The following CDH18 variants were observed in gnomAD, a reference collection of about 807,000 sequenced individuals.
CDH18 encodes cadherin 18.
In CDH18, 31 loss-of-function variants were observed where a neutral mutation model predicts 67.9. That is an observed-to-expected ratio of 0.46 (90% confidence interval 0.34 to 0.62). The LOEUF is 0.62. Ranked by LOEUF, CDH18 falls within the 20% of genes least tolerant of loss-of-function variation. The pLI is 0.01. For missense variants in CDH18, 890 were observed against 975.5 expected, an observed-to-expected ratio of 0.91 and a Z score of 1.17; for synonymous variants, 362 against 347.2, an observed-to-expected ratio of 1.04 and a Z score of -0.48.
chr5:19,602,953 G>A (rs1435366648), intron 6 of CDH18, among the ~76,000 whole-genome samples: 4 of 127,566 alleles, frequency 3.1e-5, no homozygotes, highest in South Asian at 6.0e-4. Flanking sequence ...GAAGAAGAGC[G>A]AAACTCCATC....
At chr5:20,075,485 G>T (rs554340093) in intron 2 of CDH18, among the ~76,000 whole-genome samples, 1 of 151,818 alleles carries the variant, frequency 6.6e-6, no homozygotes, top group African/African-American at 2.4e-5. Context: ...CCTGCTGATA[G>T]AGATAGACTC....
At chr5:19,767,558 T>C (rs576425262) in intron 3 of CDH18, among the ~76,000 whole-genome samples, 1 of 152,122 alleles carries the variant, frequency 6.6e-6, no homozygotes, top group Non-Finnish European at 1.5e-5. Flanking sequence ...ACTGAAAAAG[T>C]CATAGAGAAA....
chr5:20,538,201 A>G (rs1756836949), intron 1 of CDH18, among the ~76,000 whole-genome samples: 1 of 152,144 alleles, frequency 6.6e-6, no homozygotes, highest in South Asian at 2.1e-4. Flanking sequence ...AAAATCCACA[A>G]TTCACAAAAC....
intron 1 of CDH18, among the ~76,000 whole-genome samples, chr5:20,521,794 T>TACACAC (rs1318622013): frequency 6.6e-4 from 98 of 148,462 alleles, no homozygotes; most frequent in African/African-American, 2.5e-3. Context: ...AAGCACAAGT[T>TACACAC]ACACACACAC....
At chr5:20,329,803 C>T (rs996816375) in intron 1 of CDH18, among the ~76,000 whole-genome samples, 1 of 142,798 alleles carries the variant, frequency 7.0e-6, no homozygotes, top group Non-Finnish European at 1.5e-5. Flanking sequence ...AAGAGTAAGC[C>T]TTAATTTTAG....
At chr5:20,360,615 A>C (rs1318538563) in intron 1 of CDH18, among the ~76,000 whole-genome samples, 1 of 152,194 alleles carries the variant, frequency 6.6e-6, no homozygotes, top group Non-Finnish European at 1.5e-5. Flanking sequence ...GCAATAGCCT[A>C]AAGCCTGCCT....
At chr5:20,292,781 CTA>C (rs984146065) in intron 1 of CDH18, among the ~76,000 whole-genome samples, 34 of 152,104 alleles carry the variant, frequency 2.2e-4, no homozygotes, top group African/African-American at 8.0e-4. Context: ...ATTCTTCTTC[CTA>C]TATGTCTTCA....
intron 5 of CDH18, among the ~76,000 whole-genome samples, chr5:19,695,594 G>T (rs967162549): frequency 6.6e-6 from 1 of 152,086 alleles, no homozygotes; most frequent in Non-Finnish European, 1.5e-5. Flanking sequence ...AAAGTTCGCT[G>T]ACAATGACAC....
At chr5:19,919,492 G>T (rs752533389) in intron 2 of CDH18, among the ~76,000 whole-genome samples, 1 of 152,038 alleles carries the variant, frequency 6.6e-6, no homozygotes, top group Non-Finnish European at 1.5e-5. Context: ...TGCTAACGTC[G>T]GGTAGCTACT....
upstream of CDH18, among the ~76,000 whole-genome samples, chr5:19,990,347 C>T (rs928356516): frequency 6.6e-6 from 1 of 152,176 alleles, no homozygotes; most frequent in Non-Finnish European, 1.5e-5. Context: ...GTGGCTGAGA[C>T]ACAAGCAATG....
At chr5:20,283,623 A>G (rs756205448) in intron 1 of CDH18, among the ~76,000 whole-genome samples, 2 of 152,056 alleles carry the variant, frequency 1.3e-5, no homozygotes, top group Non-Finnish European at 1.5e-5. Context: ...AAGTACGTAG[A>G]GAAAAGGGAA....
At position 20,418,242 on chromosome 5, in the gene CDH18, A is replaced by ATTTTTTTTTTTTTTTTT. The variant is rs58308147; in HGVS notation, c.-580+157203_-580+157219dup. The stretch of plus-strand genomic sequence containing the variant: ...AGGTGTCTGCCACCACTGCTGGCTA[A>ATTTTTTTTTTTTTTTTT]TTTTTTTTTTTTTTTTTTTTTTTTG... On this transcript the variant is annotated intron_variant, in intron 1 of 14. Coordinates refer to the CDH18 transcript ENST00000507958. Among the ~76,000 whole-genome samples, 503 of 56,884 alleles carry ATTTTTTTTTTTTTTTTT rather than the reference A, an allele frequency of 8.8e-3. 79 individuals carry two copies. Among genetic ancestry groups the ATTTTTTTTTTTTTTTTT allele is most frequent in the Admixed American group, 0.015 (46 of 3,002 alleles). The allele number at this position is 56,884 out of a possible 152,430, so 37.3% of individuals were successfully genotyped here.
chr5:19,952,045 T>TTTTA (rs1392371063), intron 2 of CDH18, among the ~76,000 whole-genome samples: 1 of 152,052 alleles, frequency 6.6e-6, no homozygotes, highest in Admixed American at 6.6e-5. Flanking sequence ...TTCCAATTTA[T>TTTTA]TTTATTTATT....
intron 2 of CDH18, among the ~76,000 whole-genome samples, chr5:19,888,201 T>C (rs1788428976): frequency 2.0e-5 from 3 of 152,260 alleles, no homozygotes; most frequent in Middle Eastern, 3.4e-3. Flanking sequence ...CATTTGCATT[T>C]TCACGTACAT....
At chr5:20,021,197 A>G (rs1738387511) in intron 2 of CDH18, among the ~76,000 whole-genome samples, 1 of 152,082 alleles carries the variant, frequency 6.6e-6, no homozygotes. Context: ...CTGTATCCTC[A>G]TTAAATCTTG....
intron 1 of CDH18, among the ~76,000 whole-genome samples, chr5:20,281,636 T>A (rs1021466296): frequency 6.6e-6 from 1 of 152,128 alleles, no homozygotes; most frequent in African/African-American, 2.4e-5. Flanking sequence ...TGAAGTCAGG[T>A]AGTGTGATGC....
intron 2 of CDH18, among the ~76,000 whole-genome samples, chr5:19,880,494 G>C (rs896449408): frequency 6.6e-6 from 1 of 152,026 alleles, no homozygotes; most frequent in Non-Finnish European, 1.5e-5. Flanking sequence ...AAGAAGGATA[G>C]ATTTATTTGA....
At position 19,601,012 on chromosome 5, in the gene CDH18, T is replaced by G. The variant is rs182125643; in HGVS notation, c.812-9768A>C. ...TGACTTAAAACTAGGTGAAATAAACTTATAAAAGCTCTTGGAAATATTCAA... is the reference window on the plus strand; with the variant it reads ...TGACTTAAAACTAGGTGAAATAAACGTATAAAAGCTCTTGGAAATATTCAA... On this transcript the variant is annotated intron_variant, in intron 6 of 12. Coordinates refer to ENST00000382275, the MANE Select transcript of CDH18 (RefSeq NM_004934.5). Among the ~76,000 whole-genome samples, 220 of 152,276 alleles carry G rather than the reference T, an allele frequency of 1.4e-3. 1 individual carries two copies. The highest frequency in any genetic ancestry group is 5.1e-3 in the African/African-American group (210 of 41,556).
chr5:19,624,625 T>C (rs1751233532), intron 5 of CDH18, among the ~76,000 whole-genome samples: 1 of 152,168 alleles, frequency 6.6e-6, no homozygotes. Flanking sequence ...AGTGCTGTCC[T>C]GGAAATGGTG....
Sources: gnomAD v4.1 joint callset for allele counts (sites outside exome capture counted in the v4.1 genomes callset) on GRCh38, gnomAD v4.1.1 for gene constraint, MANE v1.5 for transcripts, NCBI Gene and HGNC (gene_info 2026-07-23, HGNC 2026-07-21) for gene names.